FBXW12: variants seen among roughly 807,000 people sequenced by gnomAD.
The protein encoded by FBXW12 is F-box/WD repeat-containing protein 12.
FBXW12 carries 43 observed loss-of-function variants against 55.3 expected under a neutral mutation model. The observed-to-expected ratio is 0.78, with a 90% CI of 0.61 to 1.00. The LOEUF is 1.00. FBXW12 is among the 50% of genes least tolerant of loss of function. The probability of loss-of-function intolerance (pLI) is 0.00; values close to 1 mark genes in which losing one functional copy is unlikely to be tolerated. For missense variants in FBXW12, 524 were observed against 560.5 expected, an observed-to-expected ratio of 0.93 and a Z score of 0.66; for synonymous variants, 184 against 203.8, an observed-to-expected ratio of 0.90 and a Z score of 0.83.
At chr3:48,379,622 A>G (rs2036737105) in intron 7 of FBXW12, 64 bp downstream of exon 7, 1 of 1,428,176 alleles carries the variant, frequency 7.0e-7, no homozygotes, top group Non-Finnish European at 9.8e-7. Flanking sequence ...GCATGCAGAG[A>G]AACTGCAGAG....
intron 8 of FBXW12, 60 bp downstream of exon 8, chr3:48,380,972 T>G (rs1355065449): frequency 6.3e-6 from 9 of 1,435,418 alleles, no homozygotes; most frequent in Non-Finnish European, 8.8e-6. Context: ...TCATTCGTGT[T>G]TAGCTCTAAT....
At chr3:48,372,526 A>G in intron 1 of FBXW12, 158 bp from the exon 2 acceptor site, 2 of 1,017,242 alleles carry the variant, frequency 2.0e-6, no homozygotes, top group South Asian at 3.3e-5. Flanking sequence ...CCTCTAAACA[A>G]TGAACAGCAC....
intron 5 of FBXW12, among the ~76,000 whole-genome samples, chr3:48,376,736 C>T (rs2885510): frequency 0.58 from 87,084 of 151,340 alleles, 24,943 homozygotes; most frequent in South Asian, 0.68. Flanking sequence ...ATAGAGAAAG[C>T]GAAGGATGAC....
At chr3:48,385,347 TG>T (rs2036833318) in intron 10 of FBXW12, among the ~76,000 whole-genome samples, 2 of 144,356 alleles carry the variant, frequency 1.4e-5, no homozygotes, top group Non-Finnish European at 3.0e-5. Flanking sequence ...ATTGTGTGTG[TG>T]TGTGTGTGTG....
In FBXW12 at chr3:48,373,694, C is replaced by T; in HGVS notation, c.275C>T (p.Thr92Ile). 1 of 1,613,852 alleles carries T rather than the reference C, an allele frequency of 6.2e-7. No homozygotes were observed. The highest frequency in any genetic ancestry group is 8.5e-7 in the Non-Finnish European group (1 of 1,179,782). Residue 92 changes from threonine to isoleucine, a missense_variant, in exon 4 of 11, where the codon ACT becomes ATT. Thr to Ile is a moderately conservative substitution (Grantham distance 89). Coordinates refer to ENST00000296438, the MANE Select transcript of FBXW12 (RefSeq NM_207102.2). The part of the protein sequence containing the change: ...AQPHNFIYKV[T>I]KNIAFETELA... ...CCGCATAACTTTATCTACAAAGTAA[C>T]TAAGAACATCGGTATGGGTATAGGT...
Position 48,372,845 on chromosome 3 carries a change from C to A in FBXW12, c.78C>A (p.Ser26=), listed in dbSNP as rs369202264. The change falls in exon 2 of 11, where the codon TCC becomes TCA. Residue 26 remains serine (S), a synonymous_variant. Transcript: ENST00000296438. ...ACCTGTTCGGCTTGCTGCAGGTTTC[C>A]CAGGTGAACAAGGTAAAGGCCTTCC... ...FLDLFGLLQV[S]QVNKHWNRIA... is the part of the protein sequence containing the mutation. The A allele has an allele frequency of 1.3e-4, 205 of 1,614,018 alleles. No homozygotes were observed. Among genetic ancestry groups the A allele is most frequent in the South Asian group, 1.2e-4 (11 of 91,090 alleles).
Position 48,394,607 on chromosome 3 carries a change from T to A in FBXW12, c.1343T>A (p.Val448Glu), listed in dbSNP as rs1361091963. 6.2e-7 allele frequency: 1 copy of A among 1,608,300 alleles called. No homozygotes were observed. The highest frequency in any genetic ancestry group is 8.5e-7 in the Non-Finnish European group (1 of 1,177,616). The change falls in exon 11 of 11, where the codon GTG becomes GAG. Residue 448 changes from valine (V) to glutamate (E), a missense_variant. Physicochemically the swap from Val to Glu is moderately radical, Grantham distance 121. Transcript: ENST00000296438. Reference protein sequence around the residue: ...MCDNASIVLRVRKVSDSSILV... With the variant: ...MCDNASIVLRERKVSDSSILV... ...GATAATGCAAGCATAGTACTTAGGG[T>A]GAGGAAAGTAAGTGACTCCAGCATT... is the stretch of plus-strand genomic sequence containing the variant.
chr3:48,392,828 T>C (rs1163395869), intron 10 of FBXW12, among the ~76,000 whole-genome samples: 1 of 152,212 alleles, frequency 6.6e-6, no homozygotes, highest in African/African-American at 2.4e-5. Context: ...TCCTTTGTTT[T>C]TAATTCTCAG....
intron 10 of FBXW12, among the ~76,000 whole-genome samples, chr3:48,383,777 T>G (rs2036810035): frequency 6.6e-6 from 1 of 152,204 alleles, no homozygotes; most frequent in South Asian, 2.1e-4. Context: ...TGTATTTTTT[T>G]GTATATGAAT....
chr3:48,392,021 T>A (rs1438162448), intron 10 of FBXW12, among the ~76,000 whole-genome samples: 8 of 151,842 alleles, frequency 5.3e-5, no homozygotes, highest in East Asian at 1.9e-4. Context: ...ACTTTTGTTT[T>A]AAAAAAAAAT....
chr3:48,388,868 T>C (rs2106651810), intron 10 of FBXW12, among the ~76,000 whole-genome samples: 1 of 152,356 alleles, frequency 6.6e-6, no homozygotes, highest in South Asian at 2.1e-4. Flanking sequence ...TTATTTGTGG[T>C]GAAAACATTT....
intron 7 of FBXW12, 29 bp from the exon 8 acceptor site, chr3:48,380,673 C>A: frequency 6.4e-7 from 1 of 1,560,648 alleles, no homozygotes; most frequent in South Asian, 1.1e-5. Context: ...GTTCCCTGCC[C>A]CTGACCATGC....
At chr3:48,379,804 G>A in intron 7 of FBXW12, 2 of 452,004 alleles carry the variant, frequency 4.4e-6, no homozygotes, top group Non-Finnish European at 8.1e-6. Flanking sequence ...AGATGGAAGA[G>A]GGTGAGACAG....
chr3:48,382,460 G>GGT (rs1553793347), intron 10 of FBXW12, among the ~76,000 whole-genome samples: 39 of 149,062 alleles, frequency 2.6e-4, no homozygotes, highest in Non-Finnish European at 5.1e-4. Flanking sequence ...GAAAACAGGG[G>GGT]TTTTTTTTTT....
At chr3:48,390,466 G>A (rs1214895401) in intron 10 of FBXW12, among the ~76,000 whole-genome samples, 1 of 132,884 alleles carries the variant, frequency 7.5e-6, no homozygotes, top group Non-Finnish European at 1.5e-5. Flanking sequence ...CCAGGCTGGA[G>A]TGCAGTGGTA....
intron 10 of FBXW12, among the ~76,000 whole-genome samples, chr3:48,389,973 A>T (rs1031404816): frequency 3.3e-5 from 5 of 152,008 alleles, no homozygotes; most frequent in African/African-American, 1.2e-4. Context: ...GCCATTGTTT[A>T]TTTTTGTCAA....
At position 48,384,360 on chromosome 3, in the gene FBXW12, G is replaced by A. The variant is rs140652169; in HGVS notation, c.1295+2275G>A. On this transcript the variant is annotated intron_variant, in intron 10 of 10. Coordinates refer to ENST00000296438, the MANE Select transcript of FBXW12 (RefSeq NM_207102.2). Reference sequence around the variant, plus strand: ...TTTCATTACTAGTATATAGAAATACGACTGACTTTTGTATATTGACCTTGT... The same window carrying A: ...TTTCATTACTAGTATATAGAAATACAACTGACTTTTGTATATTGACCTTGT... 2.6e-5 allele frequency among the ~76,000 whole-genome samples: 4 copies of A among 152,110 alleles called. No homozygotes were observed. In the East Asian group the frequency reaches 5.8e-4, roughly 22 times the overall value.
intron 2 of FBXW12, 108 bp downstream of exon 2, chr3:48,372,965 A>G: frequency 3.8e-6 from 4 of 1,060,816 alleles, no homozygotes; most frequent in Non-Finnish European, 5.9e-6. Context: ...TTTGGGGGTT[A>G]GCATTCTTCA....
intron 10 of FBXW12, among the ~76,000 whole-genome samples, chr3:48,390,085 A>G (rs2036901130): frequency 6.6e-6 from 1 of 152,028 alleles, no homozygotes; most frequent in Non-Finnish European, 1.5e-5. Flanking sequence ...ATACCATGTT[A>G]ATTTGGTTAT....
Sources: allele counts gnomAD v4.1 joint callset (sites outside exome capture counted in the v4.1 genomes callset), GRCh38; gene constraint gnomAD v4.1.1; transcripts MANE v1.5; gene names NCBI Gene and HGNC (gene_info 2026-07-23, HGNC 2026-07-21).